The following FSAF1 variants were observed in gnomAD, a reference collection of about 807,000 sequenced individuals.
FSAF1 encodes the protein 40S small subunit processome assembly factor 1.
the FSAF1 span, chr1:231,224,314 T>TA: frequency 6.2e-7 from 1 of 1,612,606 alleles, no homozygotes; most frequent in Non-Finnish European, 8.5e-7. Flanking sequence ...ATTTTCTTGA[T>TA]ATCAACTGGG....
chr1:231,231,727 GC>G, the FSAF1 span, among the ~76,000 whole-genome samples: 5 of 152,146 alleles, frequency 3.3e-5, no homozygotes, highest in Admixed American at 1.3e-4. Flanking sequence ...AAACCCCTGG[GC>G]CCTGGAAAGA....
the FSAF1 span, among the ~76,000 whole-genome samples, chr1:231,235,299 C>A: frequency 2.0e-5 from 3 of 152,132 alleles, no homozygotes; most frequent in Non-Finnish European, 4.4e-5. Flanking sequence ...AAGATCGAGA[C>A]CATCCTGGCC....
chr1:231,227,552 G>C, the FSAF1 span, among the ~76,000 whole-genome samples: 1 of 151,274 alleles, frequency 6.6e-6, no homozygotes, highest in Non-Finnish European at 1.5e-5. Flanking sequence ...TGGGATTATA[G>C]GTGTGAGCCA....
chr1:231,228,039 T>C, the FSAF1 span, among the ~76,000 whole-genome samples: 1 of 152,188 alleles, frequency 6.6e-6, no homozygotes, highest in Non-Finnish European at 1.5e-5. Context: ...TAATTTCAAC[T>C]GAAAAATACC....
the FSAF1 span, chr1:231,224,651 G>T: frequency 4.2e-6 from 2 of 476,064 alleles, no homozygotes; most frequent in Non-Finnish European, 7.3e-6. Context: ...TTTCCAGGCT[G>T]CCCCTCTTCT....
chr1:231,225,650 T>A, the FSAF1 span: 1 of 834,468 alleles, frequency 1.2e-6, no homozygotes, highest in Non-Finnish European at 2.0e-6. Context: ...GTGGGCATAT[T>A]AAACATAACA....
At chr1:231,225,365 G>A in the FSAF1 span, 12 of 1,052,796 alleles carry the variant, frequency 1.1e-5, no homozygotes, top group South Asian at 6.5e-5. Flanking sequence ...ACAGTGAAGC[G>A]CTCTAATGGG....
chr1:231,236,709 T>C, the FSAF1 span: 7 of 152,214 alleles, frequency 4.6e-5, no homozygotes, highest in African/African-American at 1.7e-4. Context: ...GGTGCCTAAA[T>C]GCTTTATGTT....
chr1:231,236,415 A>C, the FSAF1 span, among the ~76,000 whole-genome samples: 2 of 152,208 alleles, frequency 1.3e-5, no homozygotes, highest in African/African-American at 4.8e-5. Context: ...GCAATGACAA[A>C]TGAAAATTTT....
At chr1:231,226,620 G>A in the FSAF1 span, 1 of 895,192 alleles carries the variant, frequency 1.1e-6, no homozygotes, top group Non-Finnish European at 1.8e-6. Context: ...GGGGAGCATG[G>A]GATCCTTTAA....
chr1:231,229,271 A>T, the FSAF1 span: 1 of 1,170,878 alleles, frequency 8.5e-7, no homozygotes, highest in Non-Finnish European at 1.2e-6. Flanking sequence ...TCTATCACCG[A>T]AAGAGTAGAC....
chr1:231,227,494 T>C, the FSAF1 span, among the ~76,000 whole-genome samples: 2 of 151,884 alleles, frequency 1.3e-5, no homozygotes, highest in Admixed American at 1.3e-4. Context: ...AGACTGGCCT[T>C]GAACTCCTAG....
chr1:231,235,768 A>C, the FSAF1 span, among the ~76,000 whole-genome samples: 1 of 152,200 alleles, frequency 6.6e-6, no homozygotes, highest in Admixed American at 6.5e-5. Flanking sequence ...ACACCACTGC[A>C]TTCCAGCAGG....
the FSAF1 span, among the ~76,000 whole-genome samples, chr1:231,231,179 C>A: frequency 2.1e-3 from 326 of 152,332 alleles, 2 homozygotes; most frequent in African/African-American, 7.3e-3. Flanking sequence ...TTAACTGAGA[C>A]CACAGGCATA....
the FSAF1 span, chr1:231,227,141 T>A: frequency 6.8e-7 from 1 of 1,472,910 alleles, no homozygotes; most frequent in Non-Finnish European, 9.5e-7. Context: ...CTGCCAGAAG[T>A]AATGCATTTC....
At chr1:231,236,655 A>G in the FSAF1 span, 1 of 152,214 alleles carries the variant, frequency 6.6e-6, no homozygotes, top group African/African-American at 2.4e-5. Flanking sequence ...ATGAGGGAAT[A>G]TAAGAGGAAA....
At chr1:231,232,129 C>T in the FSAF1 span, among the ~76,000 whole-genome samples, 4 of 152,156 alleles carry the variant, frequency 2.6e-5, no homozygotes, top group African/African-American at 9.7e-5. Flanking sequence ...TATTTTTATT[C>T]ATAGCTTGAG....
At chr1:231,240,616 T>A in the FSAF1 span, among the ~76,000 whole-genome samples, 1 of 151,328 alleles carries the variant, frequency 6.6e-6, no homozygotes, top group Non-Finnish European at 1.5e-5. The surrounding 1 kb of genome is among the most constrained non-coding windows in gnomAD (Gnocchi z 4.1). Context: ...ATGAAGCTGG[T>A]GTATTATCCA....
the FSAF1 span, chr1:231,224,105 A>G: frequency 2.8e-6 from 2 of 712,302 alleles, no homozygotes; most frequent in East Asian, 2.9e-5. Context: ...GTTCAGCACC[A>G]TGAAGCAGAC....
Sources: gnomAD v4.1 joint callset for allele counts (sites outside exome capture counted in the v4.1 genomes callset) on GRCh38, gnomAD v4.1.1 for gene constraint, Gnocchi (gnomAD v3.1) non-coding constraint, MANE v1.5 for transcripts, NCBI Gene and HGNC (gene_info 2026-07-23, HGNC 2026-07-21) for gene names.